PAPLN: variants seen among roughly 807,000 people sequenced by gnomAD.
The protein encoded by PAPLN is papilin.
PAPLN carries 146 observed loss-of-function variants against 159.0 expected under a neutral mutation model. That is an observed-to-expected ratio of 0.92 (90% confidence interval 0.80 to 1.05). The LOEUF (loss-of-function observed/expected upper bound fraction) is 1.05. Ranked by LOEUF, PAPLN falls within the 50% of genes least tolerant of loss-of-function variation. The pLI is 0.00. For synonymous variants in PAPLN, 734 were observed against 702.9 expected (o/e 1.04, Z -0.70); for missense variants, 1,720 against 1,743.9 (o/e 0.99, Z 0.24).
Position 73,262,719 on chromosome 14 carries a change from C to T in PAPLN, c.2615C>T (p.Thr872Ile). 1 of 1,511,342 alleles carries T rather than the reference C, an allele frequency of 6.6e-7. No individual in the cohort carries two copies. The highest frequency in any genetic ancestry group is 2.1e-4 in the Middle Eastern group (1 of 4,712). 93.6% of individuals were successfully genotyped at this position (1,511,342 alleles called of 1,614,324 possible). ...CCTGGGCCAGGGGAGGCCCCCCACA[C>T]CCAGGCCTTTGGAGAATGGCCATGG... ...QQPGPGEAPH[T>I]QAFGEWPWGQ... The change falls in exon 19 of 27, where the codon ACC (threonine) becomes ATC (isoleucine). Residue 872 changes from threonine to isoleucine, a missense_variant. Physicochemically the swap from Thr to Ile is moderately conservative, Grantham distance 89. Coordinates refer to ENST00000644200, the MANE Select transcript of PAPLN (RefSeq NM_001365906.3).
chr14:73,264,526 G>T, intron 21 of PAPLN, 62 bp from the exon 22 acceptor site: 1 of 1,550,694 alleles, frequency 6.4e-7, no homozygotes, highest in Non-Finnish European at 8.7e-7. Flanking sequence ...CTCATGGCCC[G>T]CCCTTCCTTC....
chr14:73,263,097 G>T, intron 19 of PAPLN: 1 of 398,650 alleles, frequency 2.5e-6, no homozygotes, highest in Non-Finnish European at 4.4e-6. Flanking sequence ...TATACCCCGG[G>T]GCCTGTCTGG....
At chr14:73,236,400 G>A (rs1415356616), upstream of PAPLN, among the ~76,000 whole-genome samples, 1 of 152,170 alleles carries the variant, frequency 6.6e-6, no homozygotes, top group Non-Finnish European at 1.5e-5. Flanking sequence ...GGGTGGTGTG[G>A]AGACGGCTTC....
At chr14:73,271,818 A>G (rs1200602446) in intron 26 of PAPLN, among the ~76,000 whole-genome samples, 1 of 152,158 alleles carries the variant, frequency 6.6e-6, no homozygotes. Context: ...CTTAATAGGG[A>G]GTTATGAGAT....
chr14:73,252,649 G>T lies in PAPLN; in HGVS notation c.968G>T (p.Gly323Val), dbSNP rs907874666. The T allele has an allele frequency of 6.2e-7, 1 of 1,612,298 alleles. No individual in the cohort carries two copies. The highest frequency in any genetic ancestry group is 1.3e-5 in the African/African-American group (1 of 75,022). The change falls in exon 11 of 27, where the codon GGT becomes GTT. Residue 323 changes from glycine to valine, a missense_variant and splice_region_variant. Gly to Val is a moderately radical substitution (Grantham distance 109, BLOSUM62 -3). Coordinates refer to ENST00000644200, the MANE Select transcript of PAPLN (RefSeq NM_001365906.3). ...WSDCSAECGG[G>V]HQSRLVFCTI... ...CCGCCATGGCTGGGCCTCTGCGCAGGTCACCAGTCCCGCCTGGTGTTCTGC... is the reference window on the plus strand; with the variant it reads ...CCGCCATGGCTGGGCCTCTGCGCAGTTCACCAGTCCCGCCTGGTGTTCTGC...
chr14:73,264,566 G>T (rs1488912212), intron 21 of PAPLN, 22 bp from the exon 22 acceptor site: 1 of 1,587,826 alleles, frequency 6.3e-7, no homozygotes, highest in African/African-American at 1.4e-5. Flanking sequence ...CTCACACCTT[G>T]TTTCTCCTGG....
In PAPLN at chr14:73,259,516, C is replaced by G; in HGVS notation, c.1956C>G (p.Gly652=). Residue 652 remains glycine (G), a synonymous_variant, in exon 16 of 27, where the codon GGC becomes GGG. Coordinates refer to ENST00000644200, the MANE Select transcript of PAPLN (RefSeq NM_001365906.3). ...CATCTCTCGGGCCTCAGTGGCAAGG[C>G]TGCCCTGGGGCCCCCTGTCAGCAGA... ...HTASLGPQWQ[G]CPGAPCQQSR... 6.3e-7 allele frequency: 1 copy of G among 1,592,774 alleles called. No homozygotes were observed. The highest frequency in any genetic ancestry group is 8.6e-7 in the Non-Finnish European group (1 of 1,169,174).
At position 73,273,906 on chromosome 14, in the gene PAPLN, T is replaced by C. The variant is rs1887944443; in HGVS notation, c.*1242T>C. The C allele has an allele frequency of 6.6e-6, 1 of 152,322 alleles. No individual in the cohort carries two copies. The allele number at this position is 152,322 out of a possible 1,614,324, so 9.4% of individuals were successfully genotyped here. On this transcript the variant is annotated 3_prime_UTR_variant, in exon 27 of 27. Coordinates refer to ENST00000644200, the MANE Select transcript of PAPLN (RefSeq NM_001365906.3). The stretch of plus-strand genomic sequence containing the variant: ...GAAACAGCTGCAGTTAGCACTGTTA[T>C]CTGAGCATGAAAGAACTGGAAACGC...
Position 73,251,805 on chromosome 14 carries a change from G to C in PAPLN, c.812G>C (p.Arg271Pro), listed in dbSNP as rs760383324. 27 of 1,600,638 alleles carry C rather than the reference G, an allele frequency of 1.7e-5. No homozygotes were observed. The highest frequency in any genetic ancestry group is 1.8e-5 in the Non-Finnish European group (21 of 1,175,726). The change falls in exon 9 of 27, where the codon CGG becomes CCG. Residue 271 changes from arginine (R) to proline (P), a missense_variant. Arg to Pro is a moderately radical substitution (Grantham distance 103). Transcript: ENST00000644200. ...CTGGCCCCTGAGCGACTCCATGCCCGGGGCCCCACCTCGGAGCCCCTGGTC... is the reference window on the plus strand; with the variant it reads ...CTGGCCCCTGAGCGACTCCATGCCCCGGGCCCCACCTCGGAGCCCCTGGTC... ...GDLAPERLHA[R>P]GPTSEPLVIE...
intron 20 of PAPLN, 63 bp downstream of exon 20, chr14:73,263,845 G>A (rs1011198816): frequency 3.3e-5 from 51 of 1,525,118 alleles, no homozygotes; most frequent in East Asian, 2.0e-4. Context: ...TCCCTGACAG[G>A]TGTGTGTGAC....
At chr14:73,269,243 A>G (rs1368430856) in intron 26 of PAPLN, among the ~76,000 whole-genome samples, 3 of 151,924 alleles carry the variant, frequency 2.0e-5, no homozygotes, top group Non-Finnish European at 4.4e-5. Flanking sequence ...CACCGGTCAC[A>G]CCGCAAATGT....
intron 2 of PAPLN, among the ~76,000 whole-genome samples, chr14:73,240,633 G>A (rs1052639016): frequency 1.2e-4 from 18 of 152,218 alleles, no homozygotes; most frequent in South Asian, 6.2e-4. Context: ...AGCCGCATGC[G>A]GCTAGTGGCT....
In PAPLN at chr14:73,251,740, C is replaced by T. The variant is rs1255733813; in HGVS notation, c.747C>T (p.Ala249=). 6.2e-7 allele frequency: 1 copy of T among 1,613,058 alleles called. No individual in the cohort carries two copies. The highest frequency in any genetic ancestry group is 1.3e-5 in the African/African-American group (1 of 74,930). The change falls in exon 9 of 27, where the codon GCC becomes GCT. Residue 249 remains alanine, a synonymous_variant. Transcript: ENST00000644200. Reference sequence around the variant, plus strand: ...AGGCGGCCCGGGCCCTGCCAGCAGCCAGCACCATCCTGCATTACGAGCGGG... The same window carrying T: ...AGGCGGCCCGGGCCCTGCCAGCAGCTAGCACCATCCTGCATTACGAGCGGG... The part of the protein sequence containing the change: ...TIEAARALPA[A]STILHYERGA...
At position 73,264,561 on chromosome 14, in the gene PAPLN, A is replaced by G. The variant is rs750990798; in HGVS notation, c.2987-27A>G. Reference sequence around the variant, plus strand: ...CCACTCCCTTTTCCTCACAGCTCACACCTTGTTTCTCCTGGCCTCATGACA... The same window carrying G: ...CCACTCCCTTTTCCTCACAGCTCACGCCTTGTTTCTCCTGGCCTCATGACA... On this transcript the variant is annotated intron_variant, in intron 21 of 26. Transcript: ENST00000644200. 5 of 1,584,924 alleles carry G rather than the reference A, an allele frequency of 3.2e-6. No individual in the cohort carries two copies. In the South Asian group the frequency reaches 5.8e-5, roughly 18 times the overall value.
Position 73,268,673 on chromosome 14 carries a change from A to G in PAPLN, c.3617A>G (p.Gln1206Arg), listed in dbSNP as rs1594835736. The G allele has an allele frequency of 6.2e-7, 1 of 1,613,744 alleles. No individual in the cohort carries two copies. Among genetic ancestry groups the G allele is most frequent in the Non-Finnish European group, 8.5e-7 (1 of 1,179,868 alleles). ...DEGSYTCSAYQGSQAVSRSTE... is the reference protein window; with the variant it reads ...DEGSYTCSAYRGSQAVSRSTE... ...GGCTCCTACACGTGCAGTGCCTACC[A>G]GGGGAGCCAGGCAGTCAGCCGCAGC... Residue 1206 changes from glutamine to arginine, a missense_variant, in exon 26 of 27, where the codon CAG (glutamine) becomes CGG (arginine). Transcript: ENST00000644200.
chr14:73,272,465 C>G (rs1459607634), intron 26 of PAPLN, 30 bp from the exon 27 acceptor site: 43 of 1,489,388 alleles, frequency 2.9e-5, no homozygotes, highest in Non-Finnish European at 3.6e-5. Flanking sequence ...AGCTTCCTCA[C>G]CACCTTCTCT....
intron 26 of PAPLN, among the ~76,000 whole-genome samples, chr14:73,271,440 C>T (rs1273649494): frequency 6.6e-6 from 1 of 151,814 alleles, no homozygotes; most frequent in Non-Finnish European, 1.5e-5. Context: ...AGGTACCACT[C>T]TGGTCTAAGT....
Position 73,265,423 on chromosome 14 carries a change from G to A in PAPLN, c.3179G>A (p.Arg1060Gln), listed in dbSNP as rs138138992. ...GTGGTGGATGCCAGTCCAGGCCAGC[G>A]GATCCGGATGACCTGCCGTGCCGAA... ...PRVVDASPGQ[R>Q]IRMTCRAEGF... The change falls in exon 23 of 27, where the codon CGG becomes CAG. Residue 1060 changes from arginine to glutamine, a missense_variant. Physicochemically the swap from Arg to Gln is conservative, Grantham distance 43 (BLOSUM62 1). Coordinates refer to ENST00000644200, the MANE Select transcript of PAPLN (RefSeq NM_001365906.3). This position sits in a 1 kb window ranked among gnomAD's most constrained non-coding sequence, Gnocchi z 4.1. 2.5e-5 allele frequency: 41 copies of A among 1,612,766 alleles called. No individual in the cohort carries two copies. The highest frequency in any genetic ancestry group is 3.2e-5 in the Non-Finnish European group (38 of 1,180,034).
rs772356908 is a variant in PAPLN, at chr14:73,246,133, G to C, written c.292G>C (p.Glu98Gln). ...GCAGTGCGCGGAGTTCGACGGAGCG[G>C]AGTTCCAGGGGCGGCGGTATCGGTG... ...AEQCAEFDGA[E>Q]FQGRRYRWLP... Residue 98 changes from glutamate to glutamine, a missense_variant, in exon 5 of 27, where the codon GAG becomes CAG. Coordinates refer to ENST00000644200, the MANE Select transcript of PAPLN (RefSeq NM_001365906.3). 3.8e-6 allele frequency: 6 copies of C among 1,591,886 alleles called. No homozygotes were observed. In the African/African-American group the frequency reaches 5.5e-5, roughly 15 times the overall value.
Sources: gnomAD v4.1 joint callset for allele counts (sites outside exome capture counted in the v4.1 genomes callset) on GRCh38, gnomAD v4.1.1 for gene constraint, Gnocchi (gnomAD v3.1) non-coding constraint, MANE v1.5 for transcripts, NCBI Gene and HGNC (gene_info 2026-07-23, HGNC 2026-07-21) for gene names.